The following OPRM1 variants were observed in gnomAD, a reference collection of about 807,000 sequenced individuals.
The protein encoded by OPRM1 is opioid receptor mu 1, also known as mu-type opioid receptor.
OPRM1 carries 27 observed loss-of-function variants against 31.8 expected under a neutral mutation model. The observed-to-expected ratio is 0.85, with a 90% CI of 0.63 to 1.17. The LOEUF (loss-of-function observed/expected upper bound fraction) is 1.17, where lower values mean the gene tolerates loss of function less well. Ranked by LOEUF, OPRM1 falls within the 50% of genes most tolerant of loss-of-function variation. OPRM1 has a pLI of 0.00. For missense variants in OPRM1, 536 were observed against 511.1 expected, an observed-to-expected ratio of 1.05 and a Z score of -0.47; for synonymous variants, 196 against 189.9, an observed-to-expected ratio of 1.03 and a Z score of -0.26.
At position 154,132,034 on chromosome 6, in the gene OPRM1, CA is replaced by C. The variant is rs1158598208; in HGVS notation, c.*13316del. Among the ~76,000 whole-genome samples, 17 of 149,952 alleles carry C rather than the reference CA, an allele frequency of 1.1e-4. No individual in the cohort carries two copies. Among genetic ancestry groups the C allele is most frequent in the African/African-American group, 4.2e-4 (17 of 40,664 alleles). On this transcript the variant is annotated 3_prime_UTR_variant, in exon 4 of 4. Coordinates refer to ENST00000330432, the MANE Select transcript of OPRM1 (RefSeq NM_000914.5). ...TAAATATCTTCATTTAAAGTAGAGA[CA>C]AAGCTACTATTTCACATTTCCAGGT... is the stretch of plus-strand genomic sequence containing the variant.
intron 3 of OPRM1, among the ~76,000 whole-genome samples, chr6:154,211,815 T>C (rs1777986118): frequency 1.3e-5 from 2 of 152,252 alleles, no homozygotes; most frequent in South Asian, 2.1e-4. Flanking sequence ...CACCAAACTA[T>C]AGCTGTAGAG....
intron 3 of OPRM1, among the ~76,000 whole-genome samples, chr6:154,177,001 C>A (rs1800390128): frequency 6.6e-6 from 1 of 152,182 alleles, no homozygotes; most frequent in African/African-American, 2.4e-5. Context: ...CTACAACCAT[C>A]TGATCTGACA....
At chr6:154,017,007 A>G (rs1047076393) in intron 1 of OPRM1, among the ~76,000 whole-genome samples, 3 of 152,198 alleles carry the variant, frequency 2.0e-5, no homozygotes, top group African/African-American at 7.2e-5. Flanking sequence ...AAATACAAAT[A>G]TCTCAGTTTA....
Position 154,118,822 on chromosome 6 carries a change from A to G in OPRM1, c.*101A>G. On this transcript the variant is annotated 3_prime_UTR_variant, in exon 4 of 4. Coordinates refer to ENST00000330432, the MANE Select transcript of OPRM1 (RefSeq NM_000914.5). The stretch of plus-strand genomic sequence containing the variant: ...GTGTAGGAGGCTCTAATTCTCTAGG[A>G]AAGTGCCTGCTTTTAGGTCATCCAA... 6.4e-7 allele frequency: 1 copy of G among 1,555,380 alleles called. No individual in the cohort carries two copies. Among genetic ancestry groups the G allele is most frequent in the South Asian group, 1.2e-5 (1 of 82,678 alleles).
Position 154,168,278 on chromosome 6 carries a change from T to C in OPRM1, c.1164+76806T>C, listed in dbSNP as rs1180761936. Among the ~76,000 whole-genome samples, 1 of 152,208 alleles carries C rather than the reference T, an allele frequency of 6.6e-6. No individual in the cohort carries two copies. The highest frequency in any genetic ancestry group is 6.5e-5 in the Admixed American group (1 of 15,284). On this transcript the variant is annotated intron_variant, in intron 3 of 3. Coordinates refer to the OPRM1 transcript ENST00000337049. The surrounding 1 kb of genome is among the most constrained non-coding windows in gnomAD (Gnocchi z 4.1). ...ATGTTTGCTGTCTAAGCCACCCAGT[T>C]TGCGATACTTTGTTACTGCAGAGCC... is the stretch of plus-strand genomic sequence containing the variant.
chr6:154,233,188 C>G (rs781226906), intron 3 of OPRM1, among the ~76,000 whole-genome samples: 2 of 152,134 alleles, frequency 1.3e-5, no homozygotes, highest in Non-Finnish European at 2.9e-5. Flanking sequence ...AGACTGGTCT[C>G]AAACTACTGG....
At chr6:154,035,408 C>T (rs773032821), upstream of OPRM1, among the ~76,000 whole-genome samples, 2 of 152,102 alleles carry the variant, frequency 1.3e-5, no homozygotes, top group Non-Finnish European at 2.9e-5. Context: ...TATTGTATCA[C>T]AATGCATTTG....
At chr6:154,107,737 G>T (rs1254469344) in intron 3 of OPRM1, 2 of 718,294 alleles carry the variant, frequency 2.8e-6, no homozygotes, top group Admixed American at 2.0e-5. Context: ...CAGTTTTTTT[G>T]TTGGTTTCAG....
At position 154,132,121 on chromosome 6, in the gene OPRM1, T is replaced by G. The variant is rs188241825; in HGVS notation, c.*13400T>G. Among the ~76,000 whole-genome samples, 18 of 152,296 alleles carry G rather than the reference T, an allele frequency of 1.2e-4. No homozygotes were observed. Among genetic ancestry groups the G allele is most frequent in the African/African-American group, 4.3e-4 (18 of 41,572 alleles). ...TACCTGCTAAATCATAATGGTCTCA[T>G]GTGCAGATCAAAATGTCAACTAGTA... On this transcript the variant is annotated 3_prime_UTR_variant, in exon 4 of 4. Transcript: ENST00000330432.
intron 3 of OPRM1, among the ~76,000 whole-genome samples, chr6:154,166,155 G>T (rs1799405405): frequency 6.6e-6 from 1 of 152,206 alleles, no homozygotes; most frequent in Admixed American, 6.5e-5. Flanking sequence ...CTAAGCTTTG[G>T]GATAATTTGT....
intron 1 of OPRM1, among the ~76,000 whole-genome samples, chr6:154,025,164 A>C (rs1778620373): frequency 6.6e-6 from 1 of 152,032 alleles, no homozygotes; most frequent in Admixed American, 6.5e-5. Flanking sequence ...CTTTCTCTTT[A>C]GCTCTCATAA....
At chr6:154,074,110 AAGCAT>A (rs1471243240) in intron 1 of OPRM1, 2 of 152,232 alleles carry the variant, frequency 1.3e-5, no homozygotes, top group Non-Finnish European at 2.9e-5. Context: ...TTAACAAGCA[AAGCAT>A]AGCAACCAAA....
chr6:154,054,588 T>C (rs1371129357), intron 1 of OPRM1, among the ~76,000 whole-genome samples: 1 of 152,178 alleles, frequency 6.6e-6, no homozygotes, highest in East Asian at 1.9e-4. Context: ...CCTTATATTT[T>C]ACTTCCCTGA....
chr6:154,048,226 C>A (rs1253339636), intron 1 of OPRM1, among the ~76,000 whole-genome samples: 1 of 152,154 alleles, frequency 6.6e-6, no homozygotes, highest in Non-Finnish European at 1.5e-5. Flanking sequence ...TTAGGCCAAC[C>A]TGATTCCTTC....
intron 3 of OPRM1, chr6:154,199,690 A>T: frequency 6.2e-7 from 1 of 1,610,276 alleles, no homozygotes; most frequent in Non-Finnish European, 8.5e-7. Flanking sequence ...TCTTTGATCC[A>T]GCAGGCTTAT....
chr6:154,071,616 A>C (rs1001269674), intron 1 of OPRM1, among the ~76,000 whole-genome samples: 1 of 152,230 alleles, frequency 6.6e-6, no homozygotes, highest in African/African-American at 2.4e-5. Context: ...CAGGGATTTC[A>C]GTTTATATTT....
intron 1 of OPRM1, among the ~76,000 whole-genome samples, chr6:154,012,105 G>T (rs988097456): frequency 6.6e-5 from 10 of 152,110 alleles, no homozygotes; most frequent in African/African-American, 2.2e-4. Context: ...TCAGCAAAAG[G>T]TTTGGACTGA....
chr6:154,123,055 A>G lies in OPRM1; in HGVS notation c.*4334A>G, dbSNP rs1016452483. On this transcript the variant is annotated 3_prime_UTR_variant, in exon 4 of 4. Coordinates refer to ENST00000330432, the MANE Select transcript of OPRM1 (RefSeq NM_000914.5). ...GCAAAAGAGGAAAGCTCTCTGCAGC[A>G]GAGACGGGAGCCCAAGTGGGTTGCT... Among the ~76,000 whole-genome samples, 19 of 152,212 alleles carry G rather than the reference A, an allele frequency of 1.2e-4. No individual in the cohort carries two copies. Among genetic ancestry groups the G allele is most frequent in the African/African-American group, 3.9e-4 (16 of 41,450 alleles).
intron 1 of OPRM1, among the ~76,000 whole-genome samples, chr6:154,081,430 C>T (rs571985995): frequency 4.6e-5 from 7 of 152,190 alleles, no homozygotes; most frequent in African/African-American, 1.7e-4. Flanking sequence ...GGCGTGAACC[C>T]GGGAGGCGGA....
Sources: allele counts gnomAD v4.1 joint callset (sites outside exome capture counted in the v4.1 genomes callset), GRCh38; gene constraint gnomAD v4.1.1; non-coding constraint Gnocchi (gnomAD v3.1); transcripts MANE v1.5; gene names NCBI Gene and HGNC (gene_info 2026-07-23, HGNC 2026-07-21).